The following LFNG variants were observed in gnomAD, a reference collection of about 807,000 sequenced individuals.
The protein encoded by LFNG is LFNG O-fucosylpeptide 3-beta-N-acetylglucosaminyltransferase.
LFNG carries 15 observed loss-of-function variants against 32.7 expected under a neutral mutation model. The ratio of observed to expected loss-of-function variants is 0.46; its 90% confidence interval spans 0.31 to 0.71. LFNG has a LOEUF of 0.71. LFNG is among the 30% of genes least tolerant of loss of function. LFNG has a pLI of 0.06. For missense variants in LFNG, 520 were observed against 545.7 expected, an observed-to-expected ratio of 0.95 and a Z score of 0.47; for synonymous variants, 274 against 246.8, an observed-to-expected ratio of 1.11 and a Z score of -1.03.
intron 2 of LFNG, among the ~76,000 whole-genome samples, 179 bp downstream of exon 2, chr7:2,524,922 G>A (rs1779908739): frequency 1.3e-5 from 2 of 152,236 alleles, no homozygotes; most frequent in African/African-American, 4.8e-5. Flanking sequence ...CAATTCTCAT[G>A]CAAATGAAGC....
upstream of LFNG, among the ~76,000 whole-genome samples, chr7:2,517,184 C>T (rs903848930): frequency 3.9e-5 from 6 of 152,260 alleles, no homozygotes; most frequent in East Asian, 1.9e-4. Flanking sequence ...GGGAAGCGGG[C>T]GGGGGTGGCT....
chr7:2,522,356 G>A (rs1779815627), intron 1 of LFNG, among the ~76,000 whole-genome samples: 1 of 152,224 alleles, frequency 6.6e-6, no homozygotes, highest in East Asian at 1.9e-4. Flanking sequence ...GTGGCTGGGG[G>A]GAGGGTCGGT....
intron 3 of LFNG, 33 bp downstream of exon 3, chr7:2,525,351 T>C: frequency 6.2e-7 from 1 of 1,612,018 alleles, no homozygotes; most frequent in Non-Finnish European, 8.5e-7. Context: ...CCCATCTCCC[T>C]GCCCGAGCCT....
At chr7:2,521,437 C>T (rs2128375636) in intron 1 of LFNG, among the ~76,000 whole-genome samples, 1 of 152,350 alleles carries the variant, frequency 6.6e-6, no homozygotes, top group East Asian at 1.9e-4. Context: ...GTAACAAAGC[C>T]CCTTTCTCCA....
intron 1 of LFNG, among the ~76,000 whole-genome samples, chr7:2,521,919 G>C (rs960492688): frequency 6.6e-6 from 1 of 152,194 alleles, no homozygotes; most frequent in African/African-American, 2.4e-5. Context: ...TCACTCCCTT[G>C]AGCCCTGAGG....
intron 1 of LFNG, among the ~76,000 whole-genome samples, chr7:2,522,083 C>T (rs889307179): frequency 5.9e-5 from 9 of 152,100 alleles, no homozygotes; most frequent in African/African-American, 1.9e-4. Context: ...CAGCCCTGCA[C>T]GGAATGACTC....
At chr7:2,519,551 C>A (rs1010315039), upstream of LFNG, among the ~76,000 whole-genome samples, 4 of 151,118 alleles carry the variant, frequency 2.6e-5, no homozygotes, top group Non-Finnish European at 4.4e-5. Flanking sequence ...CCCGCAGGGG[C>A]TACCCGGGGC....
upstream of LFNG, among the ~76,000 whole-genome samples, chr7:2,519,190 C>G (rs1779704523): frequency 6.6e-6 from 1 of 152,146 alleles, no homozygotes; most frequent in African/African-American, 2.4e-5. Flanking sequence ...TCGTTAGAAC[C>G]TCGTGTCCCC....
At chr7:2,519,411 C>T (rs569781327), upstream of LFNG, among the ~76,000 whole-genome samples, 1 of 152,262 alleles carries the variant, frequency 6.6e-6, no homozygotes, top group South Asian at 2.1e-4. Context: ...CAGCACCCTG[C>T]CCGCTGCGCC....
chr7:2,524,533 C>T (rs984816184), intron 1 of LFNG, 162 bp from the exon 2 acceptor site: 2 of 711,950 alleles, frequency 2.8e-6, no homozygotes, highest in African/African-American at 3.5e-5. Flanking sequence ...GCACTTGAGC[C>T]CTTCTCAGCA....
chr7:2,519,685 G>GC (rs990067067), upstream of LFNG, among the ~76,000 whole-genome samples: 4 of 149,304 alleles, frequency 2.7e-5, no homozygotes, highest in Admixed American at 1.3e-4. Context: ...CCGGCGCGAG[G>GC]CCCCGCCCCC....
At chr7:2,514,261 C>T (rs1188704441), upstream of LFNG, among the ~76,000 whole-genome samples, 4 of 152,236 alleles carry the variant, frequency 2.6e-5, no homozygotes, top group South Asian at 4.1e-4. Flanking sequence ...GTCAGAGAGG[C>T]GCCTTTGAGC....
rs965725102 is a variant in LFNG at position 2,519,961 on chromosome 7, C to A, written c.100C>A (p.Pro34Thr). 50 of 991,580 alleles carry A rather than the reference C, an allele frequency of 5.0e-5. No homozygotes were observed. The African/African-American group carries it at 8.6e-4, about 17-fold the overall frequency. 61.4% of individuals were successfully genotyped at this position (991,580 alleles called of 1,614,324 possible). Residue 34 changes from proline (P) to threonine (T), a missense_variant, in exon 1 of 8, where the codon CCC becomes ACC. Pro to Thr is a conservative substitution (Grantham distance 38). Coordinates refer to ENST00000222725, the MANE Select transcript of LFNG (RefSeq NM_001040167.2). Reference protein sequence around the residue: ...LTADPPPPPLPAERGRRALRS... With the variant: ...LTADPPPPPLTAERGRRALRS... ...CGCCGACCCGCCGCCGCCTCCACTG[C>A]CCGCCGAGCGCGGCCGGCGCGCGCT...
upstream of LFNG, chr7:2,513,318 T>A: frequency 6.2e-7 from 1 of 1,602,168 alleles, no homozygotes; most frequent in Non-Finnish European, 8.5e-7. Context: ...GGAGGTGGCC[T>A]CTCTCAGCAG....
At position 2,528,080 on chromosome 7, in the gene LFNG, G is replaced by C; in HGVS notation, c.*868G>C. 6.4e-6 allele frequency: 1 copy of C among 157,094 alleles called. No individual in the cohort carries two copies. The highest frequency in any genetic ancestry group is 1.2e-5 in the Non-Finnish European group (1 of 83,966). 9.7% of individuals were successfully genotyped at this position (157,094 alleles called of 1,614,324 possible). A position where few individuals can be genotyped will look rare whatever the true frequency, so the allele number is the denominator to read the frequency against. On this transcript the variant is annotated 3_prime_UTR_variant, in exon 8 of 8. Coordinates refer to ENST00000222725, the MANE Select transcript of LFNG (RefSeq NM_001040167.2). ...TTGTTTTTTGCTTGGGAGGGTGGGG[G>C]TGGGGGAGGGTCTTATTTTATCTTA...
upstream of LFNG, among the ~76,000 whole-genome samples, chr7:2,519,649 G>A (rs1004962616): frequency 6.7e-6 from 1 of 149,754 alleles, no homozygotes; most frequent in African/African-American, 2.4e-5. Context: ...GCGGCCCCAC[G>A]TGGGTCTGCG....
In LFNG at chr7:2,525,406, G is replaced by T. The variant is rs774767758; in HGVS notation, c.582-8G>T. ...TGCCCTCCCCCGATGGCCCTGCCTTGTCCTCAGGTGGTTCTGCCACGTGGA... is the reference window on the plus strand; with the variant it reads ...TGCCCTCCCCCGATGGCCCTGCCTTTTCCTCAGGTGGTTCTGCCACGTGGA... On this transcript the variant is annotated splice_region_variant and splice_polypyrimidine_tract_variant and intron_variant, in intron 3 of 7. Transcript: ENST00000222725. 5.6e-6 allele frequency: 9 copies of T among 1,612,842 alleles called. No homozygotes were observed. The highest frequency in any genetic ancestry group is 6.8e-6 in the Non-Finnish European group (8 of 1,179,842).
downstream of LFNG, chr7:2,528,920 C>T: frequency 1.9e-6 from 1 of 518,896 alleles, no homozygotes; most frequent in East Asian, 3.5e-5. Context: ...GGTCCAGCAG[C>T]CATGCTGGTG....
chr7:2,526,262 T>C lies in LFNG; in HGVS notation c.840T>C (p.Asn280=). The change falls in exon 6 of 8, where the codon AAT becomes AAC. Residue 280 remains asparagine (N), a synonymous_variant. Coordinates refer to ENST00000222725, the MANE Select transcript of LFNG (RefSeq NM_001040167.2). The surrounding 1 kb of genome is among the most constrained non-coding windows in gnomAD (Gnocchi z 6.9). ...SPWASGGHFM[N]TAERIRLPDD... ...CCCGCAGCGGGGGTCACTTCATGAA[T>C]ACGGCTGAGCGGATCCGGCTGCCTG... is the stretch of plus-strand genomic sequence containing the variant. 1 of 1,613,046 alleles carries C rather than the reference T, an allele frequency of 6.2e-7. No homozygotes were observed. The highest frequency in any genetic ancestry group is 8.5e-7 in the Non-Finnish European group (1 of 1,179,954).
Sources: gnomAD v4.1 joint callset for allele counts (sites outside exome capture counted in the v4.1 genomes callset) on GRCh38, gnomAD v4.1.1 for gene constraint, Gnocchi (gnomAD v3.1) non-coding constraint, MANE v1.5 for transcripts, NCBI Gene and HGNC (gene_info 2026-07-23, HGNC 2026-07-21) for gene names.